DTL: variants seen among roughly 807,000 people sequenced by gnomAD.
DTL encodes denticleless E3 ubiquitin protein ligase adapter, also known as denticleless protein homolog.
A neutral mutation model predicts 87.0 loss-of-function variants in DTL; 46 were observed. The observed-to-expected ratio is 0.53, with a 90% confidence interval of 0.42 to 0.68. The LOEUF (loss-of-function observed/expected upper bound fraction) is 0.68. Among genes scored for constraint, DTL ranks in the 30% least tolerant of loss-of-function variants. The probability of loss-of-function intolerance (pLI) is 0.00; values close to 1 mark genes in which losing one functional copy is unlikely to be tolerated. For missense variants in DTL, 737 were observed against 869.4 expected, an observed-to-expected ratio of 0.85 and a Z score of 1.91; for synonymous variants, 308 against 311.2, an observed-to-expected ratio of 0.99 and a Z score of 0.11.
At chr1:212,045,344 A>G (rs1294785792) in intron 3 of DTL, among the ~76,000 whole-genome samples, 1 of 152,258 alleles carries the variant, frequency 6.6e-6, no homozygotes, top group Non-Finnish European at 1.5e-5. Context: ...TAACTGTGAC[A>G]ATGCCTTTAC....
intron 5 of DTL, among the ~76,000 whole-genome samples, chr1:212,054,405 C>CA (rs1156668636): frequency 0.01 from 1,374 of 131,506 alleles, 12 homozygotes; most frequent in Middle Eastern, 0.049. Flanking sequence ...AAACCACACA[C>CA]ACAAAAAAAA....
chr1:212,091,755 G>A (rs1249670893), intron 13 of DTL, among the ~76,000 whole-genome samples: 1 of 152,192 alleles, frequency 6.6e-6, no homozygotes, highest in Non-Finnish European at 1.5e-5. Context: ...GGAGCAGAGA[G>A]TAGAATAACG....
At chr1:212,055,436 T>G (rs2102540234) in intron 5 of DTL, among the ~76,000 whole-genome samples, 1 of 152,264 alleles carries the variant, frequency 6.6e-6, no homozygotes, top group Middle Eastern at 3.4e-3. Context: ...GTAACACTGA[T>G]TTTCAGAGCC....
intron 2 of DTL, among the ~76,000 whole-genome samples, chr1:212,044,246 T>G (rs1032015119): frequency 5.3e-5 from 8 of 152,318 alleles, no homozygotes; most frequent in Admixed American, 1.3e-4. Context: ...AGTACTACCC[T>G]CGATTTAGCC....
intron 13 of DTL, among the ~76,000 whole-genome samples, chr1:212,085,196 T>C (rs989824267): frequency 1.1e-4 from 17 of 152,230 alleles, no homozygotes; most frequent in African/African-American, 3.4e-4. Context: ...ACTCAAGATA[T>C]AGAGAGTCAA....
chr1:212,037,747 C>G (rs887102997), intron 1 of DTL, among the ~76,000 whole-genome samples: 1 of 152,046 alleles, frequency 6.6e-6, no homozygotes, highest in Admixed American at 6.5e-5. Flanking sequence ...AGCGAGTGAC[C>G]TCGGTCATAG....
At chr1:212,080,024 A>T (rs1353765090) in intron 12 of DTL, among the ~76,000 whole-genome samples, 1 of 152,222 alleles carries the variant, frequency 6.6e-6, no homozygotes, top group Non-Finnish European at 1.5e-5. Flanking sequence ...ATATTTTTAA[A>T]GGGACAAAGG....
chr1:212,063,289 TA>T (rs1654390348), intron 6 of DTL, among the ~76,000 whole-genome samples: 1 of 149,870 alleles, frequency 6.7e-6, no homozygotes, highest in Non-Finnish European at 1.5e-5. Context: ...TTTATTTTAT[TA>T]TTATTATTTT....
intron 5 of DTL, among the ~76,000 whole-genome samples, chr1:212,056,163 A>G (rs1442682978): frequency 1.3e-5 from 2 of 152,218 alleles, no homozygotes; most frequent in African/African-American, 2.4e-5. Context: ...GCCATTTCCA[A>G]TACCTGAGTA....
chr1:212,049,792 C>T (rs145807361), intron 5 of DTL, among the ~76,000 whole-genome samples: 37 of 152,192 alleles, frequency 2.4e-4, no homozygotes, highest in Middle Eastern at 3.4e-3. Context: ...CTCCTTGGGC[C>T]TTCATTTTCT....
chr1:212,096,327 G>C (rs527563805), intron 13 of DTL, among the ~76,000 whole-genome samples: 2 of 148,822 alleles, frequency 1.3e-5, no homozygotes, highest in African/African-American at 5.0e-5. Flanking sequence ...CCAGCTTTTT[G>C]TTTCATTTAT....
intron 5 of DTL, among the ~76,000 whole-genome samples, chr1:212,058,261 C>T (rs1002876605): frequency 2.6e-5 from 4 of 152,166 alleles, no homozygotes; most frequent in African/African-American, 9.6e-5. Flanking sequence ...ACATTCTTCT[C>T]ATCAGCAAAC....
intron 1 of DTL, among the ~76,000 whole-genome samples, chr1:212,039,773 T>C (rs1667583657): frequency 6.6e-6 from 1 of 152,312 alleles, no homozygotes; most frequent in African/African-American, 2.4e-5. Flanking sequence ...CAATGGTAAG[T>C]ATTTGTGTAT....
At chr1:212,085,899 C>T (rs1655116552) in intron 13 of DTL, among the ~76,000 whole-genome samples, 1 of 152,218 alleles carries the variant, frequency 6.6e-6, no homozygotes, top group African/African-American at 2.4e-5. Flanking sequence ...ATTGAATCGT[C>T]ATGGCACCCT....
intron 5 of DTL, among the ~76,000 whole-genome samples, chr1:212,057,564 T>C (rs1668215015): frequency 6.6e-6 from 1 of 151,690 alleles, no homozygotes; most frequent in African/African-American, 2.4e-5. Context: ...CAAGAAAATA[T>C]AAAAACTACT....
chr1:212,089,634 A>G (rs559042439), intron 13 of DTL, among the ~76,000 whole-genome samples: 1 of 152,352 alleles, frequency 6.6e-6, no homozygotes, highest in Admixed American at 6.5e-5. Context: ...TAAAAAACAT[A>G]TACACACACT....
intron 5 of DTL, among the ~76,000 whole-genome samples, chr1:212,056,046 C>T (rs992554945): frequency 6.6e-6 from 1 of 152,234 alleles, no homozygotes. Context: ...GTACGGAACA[C>T]TTGGGTTCCA....
chr1:212,080,395 T>C, intron 12 of DTL: 1 of 421,952 alleles, frequency 2.4e-6, no homozygotes, highest in Non-Finnish European at 4.2e-6. Flanking sequence ...TAGTAGAATG[T>C]ATATGAAGAA....
In DTL at chr1:212,080,608, C is replaced by A; in HGVS notation, c.1126-7C>A. ...TTCTTAATTCCCTTCTTGGTACTCC[C>A]TCTTAGATTGCTACCTGTTCTGATG... On this transcript the variant is annotated splice_region_variant and splice_polypyrimidine_tract_variant and intron_variant, in intron 12 of 14. Coordinates refer to ENST00000366991, the MANE Select transcript of DTL (RefSeq NM_016448.4). 1 of 1,608,958 alleles carries A rather than the reference C, an allele frequency of 6.2e-7. No individual in the cohort carries two copies. Among genetic ancestry groups the A allele is most frequent in the South Asian group, 1.1e-5 (1 of 89,944 alleles).
Sources: gnomAD v4.1 joint callset for allele counts (sites outside exome capture counted in the v4.1 genomes callset) on GRCh38, gnomAD v4.1.1 for gene constraint, MANE v1.5 for transcripts, NCBI Gene and HGNC (gene_info 2026-07-23, HGNC 2026-07-21) for gene names.